The following C19orf44 variants were observed in gnomAD, a reference collection of about 807,000 sequenced individuals.
C19orf44 encodes the protein uncharacterized protein C19orf44.
In C19orf44, 43 loss-of-function variants were observed where a neutral mutation model predicts 50.7. The observed-to-expected ratio is 0.85, with a 90% CI of 0.66 to 1.09. The LOEUF is 1.09. C19orf44 is among the 50% of genes least tolerant of loss of function. The pLI is 0.00. For missense variants in C19orf44, 722 were observed against 836.2 expected, an observed-to-expected ratio of 0.86 and a Z score of 1.68; for synonymous variants, 298 against 334.7, an observed-to-expected ratio of 0.89 and a Z score of 1.20.
Position 16,520,110 on chromosome 19 carries a change from CCCAGAGTTA to C in C19orf44, c.*62_*70del, listed in dbSNP as rs1268711759. ...CATTCACAGCAAAGCACCGCAGCTT[CCCAGAGTTA>C]CCAGCGCAGCACTTAAGACAGGATC... On this transcript the variant is annotated 3_prime_UTR_variant, in exon 9 of 9. Coordinates refer to ENST00000221671, the MANE Select transcript of C19orf44 (RefSeq NM_032207.4). The surrounding 1 kb of genome is among the most constrained non-coding windows in gnomAD (Gnocchi z 4.0). 2 of 1,593,046 alleles carry C rather than the reference CCCAGAGTTA, an allele frequency of 1.3e-6. No individual in the cohort carries two copies. The highest frequency in any genetic ancestry group is 1.7e-5 in the Admixed American group (1 of 59,278).
chr19:16,519,012 C>G lies in C19orf44; in HGVS notation c.*41-1082C>G. 1.3e-6 allele frequency: 1 copy of G among 769,638 alleles called. No individual in the cohort carries two copies. The allele number at this position is 769,638 out of a possible 1,614,324, so 47.7% of individuals were successfully genotyped here. ...GAGCACGGCGTTCCCACTGGGCATG[C>G]GCTGGTCTTCCTTCTCTTCCTGTGG... is the stretch of plus-strand genomic sequence containing the variant. On this transcript the variant is annotated intron_variant, in intron 8 of 8. Coordinates refer to ENST00000221671, the MANE Select transcript of C19orf44 (RefSeq NM_032207.4). The surrounding 1 kb of genome is among the most constrained non-coding windows in gnomAD (Gnocchi z 6.0).
At chr19:16,502,663 C>G (rs1311410640) in intron 2 of C19orf44, among the ~76,000 whole-genome samples, 1 of 152,020 alleles carries the variant, frequency 6.6e-6, no homozygotes, top group Non-Finnish European at 1.5e-5. Flanking sequence ...GTCTCATGCT[C>G]CCCGCTAATT....
rs1260471708 is a variant in C19orf44 at position 16,501,328 on chromosome 19, C to A, written c.536C>A (p.Ala179Glu). The A allele has an allele frequency of 1.9e-6, 3 of 1,614,122 alleles. No homozygotes were observed. The highest frequency in any genetic ancestry group is 2.5e-6 in the Non-Finnish European group (3 of 1,180,036). The change falls in exon 2 of 9, where the codon GCA (alanine) becomes GAA (glutamate). Residue 179 changes from alanine to glutamate, a missense_variant. Ala to Glu is a moderately radical substitution (Grantham distance 107, BLOSUM62 -1). Transcript: ENST00000221671. Reference sequence around the variant, plus strand: ...AGTAGGTTTCTAAAGAAGAAACAAGCACCTGTTGAAAACATATCCCCTGAA... The same window carrying A: ...AGTAGGTTTCTAAAGAAGAAACAAGAACCTGTTGAAAACATATCCCCTGAA... ...KVSRFLKKKQ[A>E]PVENISPEAP...
At position 16,517,278 on chromosome 19, in the gene C19orf44, G is replaced by C. The variant is rs760709720; in HGVS notation, c.1951G>C (p.Glu651Gln). ...CCCACTGACCATGGAGGATGCCCTG[G>C]AGGAGGTGAACAAGGAGCTGTGAGC... ...PAPLTMEDAL[E>Q]EVNKEL Residue 651 changes from glutamate to glutamine, a missense_variant, in exon 8 of 9, where the codon GAG becomes CAG. Transcript: ENST00000221671. The C allele has an allele frequency of 1.9e-6, 3 of 1,614,000 alleles. No individual in the cohort carries two copies. The highest frequency in any genetic ancestry group is 1.3e-5 in the African/African-American group (1 of 74,944).
chr19:16,502,266 T>A (rs2093427712), intron 2 of C19orf44, among the ~76,000 whole-genome samples: 2 of 138,458 alleles, frequency 1.4e-5, no homozygotes, highest in Admixed American at 1.5e-4. Context: ...TGAGATGGAG[T>A]CTCATTCTGT....
At position 16,521,086 on chromosome 19, in the gene C19orf44, C is replaced by A; in HGVS notation, c.*1033C>A. On this transcript the variant is annotated 3_prime_UTR_variant, in exon 9 of 9. Coordinates refer to ENST00000221671, the MANE Select transcript of C19orf44 (RefSeq NM_032207.4). Reference sequence around the variant, plus strand: ...TCAGTGTTCCCACAGGGCTGTCCTCCTGCAGCCCAGTGGCTCCTCTGGTGC... The same window carrying A: ...TCAGTGTTCCCACAGGGCTGTCCTCATGCAGCCCAGTGGCTCCTCTGGTGC... 1.6e-6 allele frequency: 1 copy of A among 640,752 alleles called. No individual in the cohort carries two copies. Among genetic ancestry groups the A allele is most frequent in the Non-Finnish European group, 2.8e-6 (1 of 355,996 alleles). 39.7% of individuals were successfully genotyped at this position (640,752 alleles called of 1,614,324 possible). A position where few individuals can be genotyped will look rare whatever the true frequency, so the allele number is the denominator to read the frequency against.
chr19:16,506,709 A>G lies in C19orf44; in HGVS notation c.1084A>G (p.Ile362Val). 1 of 1,596,840 alleles carries G rather than the reference A, an allele frequency of 6.3e-7. No homozygotes were observed. Among genetic ancestry groups the G allele is most frequent in the Non-Finnish European group, 8.5e-7 (1 of 1,170,890 alleles). The change falls in exon 4 of 9, where the codon ATA (isoleucine) becomes GTA (valine). Residue 362 changes from isoleucine to valine, a missense_variant. Transcript: ENST00000221671. ...GADDSLDEFR[I>V]NILSLDGLAP... Reference sequence around the variant, plus strand: ...TCATTTTTTAATTACAGAGTTTAGAATAAATATTTTATCGCTTGACGGTCT... The same window carrying G: ...TCATTTTTTAATTACAGAGTTTAGAGTAAATATTTTATCGCTTGACGGTCT...
At chr19:16,504,484 C>T (rs1271128826) in intron 3 of C19orf44, among the ~76,000 whole-genome samples, 1 of 152,200 alleles carries the variant, frequency 6.6e-6, no homozygotes, top group East Asian at 1.9e-4. Context: ...AGCTGGCTGG[C>T]TGCCCTGCCA....
intron 6 of C19orf44, 125 bp downstream of exon 6, chr19:16,513,234 G>A (rs1203429613): frequency 4.4e-6 from 4 of 916,304 alleles, no homozygotes. Flanking sequence ...CCATTGGGCA[G>A]GGATTATTGC....
chr19:16,520,749 G>A lies in C19orf44; in HGVS notation c.*696G>A. 3 of 1,400,070 alleles carry A rather than the reference G, an allele frequency of 2.1e-6. No homozygotes were observed. The highest frequency in any genetic ancestry group is 3.0e-6 in the Non-Finnish European group (3 of 990,962). The allele number at this position is 1,400,070 out of a possible 1,614,324, so 86.7% of individuals were successfully genotyped here. A position where few individuals can be genotyped will look rare whatever the true frequency, so the allele number is the denominator to read the frequency against. On this transcript the variant is annotated 3_prime_UTR_variant, in exon 9 of 9. Transcript: ENST00000221671. This position sits in a 1 kb window ranked among gnomAD's most constrained non-coding sequence, Gnocchi z 4.0. ...CTGTGTGAGGGTGGACGTGATGAGT[G>A]TATCTGGGGTCTGCTCCCACCCATC...
Position 16,520,296 on chromosome 19 carries a change from C to T in C19orf44, c.*243C>T, listed in dbSNP as rs2085598348. On this transcript the variant is annotated 3_prime_UTR_variant, in exon 9 of 9. Coordinates refer to ENST00000221671, the MANE Select transcript of C19orf44 (RefSeq NM_032207.4). The surrounding 1 kb of genome is among the most constrained non-coding windows in gnomAD (Gnocchi z 4.0). ...GGGAAGGGTGCCCAAGGGTCAGCAG[C>T]AGCCAGGCGTCGTGGGGAGGCCACA... 10 of 1,613,114 alleles carry T rather than the reference C, an allele frequency of 6.2e-6. No homozygotes were observed. The highest frequency in any genetic ancestry group is 8.5e-6 in the Non-Finnish European group (10 of 1,179,618).
Position 16,519,664 on chromosome 19 carries a change from C to G in C19orf44, c.*41-430C>G. 6.2e-7 allele frequency: 1 copy of G among 1,614,092 alleles called. No homozygotes were observed. Among genetic ancestry groups the G allele is most frequent in the Non-Finnish European group, 8.5e-7 (1 of 1,180,016 alleles). ...GATGGCCTTTGTTCTCTTCTCCGAG[C>G]CTTGAGTCAGGGATGGGAGGCGCCG... is the stretch of plus-strand genomic sequence containing the variant. On this transcript the variant is annotated intron_variant, in intron 8 of 8. Coordinates refer to ENST00000221671, the MANE Select transcript of C19orf44 (RefSeq NM_032207.4). The surrounding 1 kb of genome is among the most constrained non-coding windows in gnomAD (Gnocchi z 6.0).
rs1188583689 is a variant in C19orf44, at chr19:16,519,554, G to C, written c.*41-540G>C. On this transcript the variant is annotated intron_variant, in intron 8 of 8. Transcript: ENST00000221671. This position sits in a 1 kb window ranked among gnomAD's most constrained non-coding sequence, Gnocchi z 6.0. ...CCACATGCACTGAGGAAGAGAAAGC[G>C]CTGGTGACTCCCGGGCCCAGCACGC... 1.4e-6 allele frequency: 2 copies of C among 1,423,064 alleles called. No homozygotes were observed. Among genetic ancestry groups the C allele is most frequent in the Non-Finnish European group, 2.0e-6 (2 of 1,008,584 alleles). 88.2% of individuals were successfully genotyped at this position (1,423,064 alleles called of 1,614,324 possible).
rs2093441595 is a variant in C19orf44, at chr19:16,506,703, T to C, written c.1078T>C (p.Phe360Leu). ...TTATACTCATTTTTTAATTACAGAG[T>C]TTAGAATAAATATTTTATCGCTTGA... is the stretch of plus-strand genomic sequence containing the variant. ...SEGADDSLDEFRINILSLDGL... is the reference protein window; with the variant it reads ...SEGADDSLDELRINILSLDGL... Residue 360 changes from phenylalanine to leucine, a missense_variant and splice_region_variant, in exon 4 of 9, where the codon TTT becomes CTT. Phe to Leu is a conservative substitution (Grantham distance 22). Coordinates refer to ENST00000221671, the MANE Select transcript of C19orf44 (RefSeq NM_032207.4). The C allele has an allele frequency of 6.3e-7, 1 of 1,588,888 alleles. No individual in the cohort carries two copies. Among genetic ancestry groups the C allele is most frequent in the Non-Finnish European group, 8.6e-7 (1 of 1,167,058 alleles).
chr19:16,514,445 C>T, intron 6 of C19orf44, 52 bp from the exon 7 acceptor site: 1 of 1,492,902 alleles, frequency 6.7e-7, no homozygotes, highest in Non-Finnish European at 9.0e-7. Context: ...GGGGGGGCTG[C>T]AGAATTTGTG....
At chr19:16,502,804 C>G (rs8111141) in intron 2 of C19orf44, among the ~76,000 whole-genome samples, 25,206 of 147,518 alleles carry the variant, frequency 0.17, 2,540 homozygotes, top group African/African-American at 0.28. Flanking sequence ...GTCTGGGCAA[C>G]ATGGCAAAAC....
intron 5 of C19orf44, among the ~76,000 whole-genome samples, chr19:16,511,563 C>T (rs2093457375): frequency 6.6e-6 from 1 of 151,868 alleles, no homozygotes; most frequent in Non-Finnish European, 1.5e-5. Flanking sequence ...TAAACATTCC[C>T]ATGTTATTAT....
At chr19:16,500,215 C>T (rs553445713) in intron 1 of C19orf44, among the ~76,000 whole-genome samples, 74 of 152,150 alleles carry the variant, frequency 4.9e-4, no homozygotes, top group Non-Finnish European at 6.2e-4. Flanking sequence ...AGGTGTGAGC[C>T]ACTGAGCCCA....
At chr19:16,506,835 T>TTA in intron 4 of C19orf44, 61 bp downstream of exon 4, 2 of 1,250,884 alleles carry the variant, frequency 1.6e-6, no homozygotes, top group Non-Finnish European at 1.1e-6. Flanking sequence ...TTTTTTTTTT[T>TTA]AAATTTTTAA....
Sources: allele counts gnomAD v4.1 joint callset (sites outside exome capture counted in the v4.1 genomes callset), GRCh38; gene constraint gnomAD v4.1.1; non-coding constraint Gnocchi (gnomAD v3.1); transcripts MANE v1.5; gene names NCBI Gene and HGNC (gene_info 2026-07-23, HGNC 2026-07-21).